AGBL4: variants seen among roughly 807,000 people sequenced by gnomAD.
The protein encoded by AGBL4 is cytosolic carboxypeptidase 6.
A neutral mutation model predicts 66.4 loss-of-function variants in AGBL4; 58 were observed. The ratio of observed to expected loss-of-function variants is 0.87; its 90% CI spans 0.71 to 1.09. The LOEUF (loss-of-function observed/expected upper bound fraction) is 1.09. AGBL4 is among the 50% of genes least tolerant of loss of function. AGBL4 has a pLI of 0.00. For synonymous variants in AGBL4, 234 were observed against 222.9 expected (o/e 1.05, Z -0.44); for missense variants, 579 against 631.0 (o/e 0.92, Z 0.88).
intron 2 of AGBL4, among the ~76,000 whole-genome samples, chr1:49,723,228 C>T (rs1169989136): frequency 1.3e-5 from 2 of 152,082 alleles, no homozygotes; most frequent in African/African-American, 4.8e-5. Context: ...GTTAGCCAGG[C>T]CGTAGTCCTT....
At chr1:49,460,501 G>A (rs1182201151) in intron 3 of AGBL4, among the ~76,000 whole-genome samples, 2 of 151,502 alleles carry the variant, frequency 1.3e-5, no homozygotes, top group African/African-American at 2.4e-5. Flanking sequence ...GGTGAGTCTC[G>A]TGAAGATAGT....
rs143507699 is a variant in AGBL4 at position 49,134,802 on chromosome 1, G to T, written c.378-89002C>A. Among the ~76,000 whole-genome samples the T allele has an allele frequency of 4.6e-3, 693 of 152,146 alleles. 7 individuals carry two copies. Among genetic ancestry groups the T allele is most frequent in the African/African-American group, 0.016 (672 of 41,514 alleles). On this transcript the variant is annotated intron_variant, in intron 4 of 13. Transcript: ENST00000371839. The stretch of plus-strand genomic sequence containing the variant: ...CATCCTCAGCTTACAAAGATGATGG[G>T]ATTAAGAGATTAAAGTAAAGACAGT...
intron 11 of AGBL4, among the ~76,000 whole-genome samples, chr1:48,560,877 T>C (rs1043974589): frequency 3.3e-5 from 5 of 152,220 alleles, no homozygotes; most frequent in African/African-American, 1.2e-4. Flanking sequence ...AAGAGAGGTG[T>C]TGTAACAACT....
chr1:49,298,133 AC>A (rs2148438674), intron 3 of AGBL4, among the ~76,000 whole-genome samples: 1 of 152,242 alleles, frequency 6.6e-6, no homozygotes, highest in African/African-American at 2.4e-5. Flanking sequence ...CATCTCTACT[AC>A]TTCCTTGCCC....
chr1:49,767,414 A>G (rs1643916408), intron 2 of AGBL4, among the ~76,000 whole-genome samples: 1 of 152,116 alleles, frequency 6.6e-6, no homozygotes, highest in Non-Finnish European at 1.5e-5. Context: ...AAATAGATGA[A>G]AAGAGAGAAA....
At chr1:49,735,701 A>T (rs2124728663) in intron 2 of AGBL4, among the ~76,000 whole-genome samples, 1 of 152,250 alleles carries the variant, frequency 6.6e-6, no homozygotes, top group Admixed American at 6.5e-5. Context: ...GGAGACTATC[A>T]TTGTGATACT....
intron 2 of AGBL4, among the ~76,000 whole-genome samples, chr1:49,844,013 A>G (rs533009959): frequency 1.3e-5 from 2 of 152,296 alleles, no homozygotes; most frequent in Admixed American, 1.3e-4. Flanking sequence ...GTGGTGAGCA[A>G]GGTGGACAGA....
chr1:49,914,972 C>G (rs1335384685), intron 1 of AGBL4, among the ~76,000 whole-genome samples: 1 of 152,142 alleles, frequency 6.6e-6, no homozygotes, highest in African/African-American at 2.4e-5. Flanking sequence ...TCTTAAAGGT[C>G]TCACCTCTCA....
At position 49,466,009 on chromosome 1, in the gene AGBL4, C is replaced by T. The variant is rs144200822; in HGVS notation, c.283-220145G>A. 5.2e-3 allele frequency among the ~76,000 whole-genome samples: 790 copies of T among 151,872 alleles called. 9 individuals are homozygous for T. The highest frequency in any genetic ancestry group is 0.017 in the Middle Eastern group (5 of 292). The stretch of plus-strand genomic sequence containing the variant: ...ATTGCTTCAGAACTATATACCTGGG[C>T]GTGGCAAGGCCCATGGTAGAGTAGC... On this transcript the variant is annotated intron_variant, in intron 3 of 13. Coordinates refer to ENST00000371839, the MANE Select transcript of AGBL4 (RefSeq NM_032785.4).
intron 3 of AGBL4, among the ~76,000 whole-genome samples, chr1:49,434,426 CA>C (rs2148660464): frequency 6.6e-6 from 1 of 152,054 alleles, no homozygotes; most frequent in African/African-American, 2.4e-5. Flanking sequence ...TGTTCTGGGA[CA>C]AAAAAGCCAC....
intron 5 of AGBL4, among the ~76,000 whole-genome samples, chr1:48,940,126 T>C (rs576027138): frequency 6.6e-6 from 1 of 152,306 alleles, no homozygotes; most frequent in Non-Finnish European, 1.5e-5. Flanking sequence ...GCTAACCCCA[T>C]TTAAGAGTTG....
chr1:48,893,970 G>C (rs1398302279), intron 5 of AGBL4, among the ~76,000 whole-genome samples: 3 of 152,154 alleles, frequency 2.0e-5, no homozygotes, highest in Admixed American at 2.0e-4. Context: ...GGAAACCAAG[G>C]AGCAAGAGGA....
intron 9 of AGBL4, among the ~76,000 whole-genome samples, chr1:48,631,862 A>G (rs1645598911): frequency 6.6e-6 from 1 of 152,182 alleles, no homozygotes; most frequent in South Asian, 2.1e-4. Context: ...AGTAGGTATA[A>G]ACCAGGAAAG....
chr1:48,827,503 C>T (rs1183203938), intron 6 of AGBL4, among the ~76,000 whole-genome samples: 2 of 152,212 alleles, frequency 1.3e-5, no homozygotes, highest in Non-Finnish European at 2.9e-5. Context: ...TGTCTTCACA[C>T]TGTTGGCCAC....
intron 11 of AGBL4, among the ~76,000 whole-genome samples, chr1:48,577,556 C>T (rs924395150): frequency 1.3e-5 from 2 of 152,174 alleles, no homozygotes; most frequent in Admixed American, 6.5e-5. Context: ...ATGAGGGAGG[C>T]TAGGGGAAGG....
chr1:49,530,296 T>C (rs970515390), intron 3 of AGBL4, among the ~76,000 whole-genome samples: 16 of 61,402 alleles, frequency 2.6e-4, no homozygotes, highest in Admixed American at 1.5e-3. Context: ...TATGAGTTTT[T>C]TTTTATTATT....
At chr1:49,903,426 A>T (rs1171315262) in intron 1 of AGBL4, among the ~76,000 whole-genome samples, 1 of 152,152 alleles carries the variant, frequency 6.6e-6, no homozygotes, top group Non-Finnish European at 1.5e-5. Context: ...CTAGGTGATG[A>T]AATAATCTGT....
At chr1:49,893,822 C>G (rs565640569) in intron 1 of AGBL4, among the ~76,000 whole-genome samples, 1 of 152,308 alleles carries the variant, frequency 6.6e-6, no homozygotes, top group South Asian at 2.1e-4. Context: ...AGAACACAAG[C>G]TGGGCTGGTT....
chr1:48,912,676 C>G (rs962522963), intron 5 of AGBL4, among the ~76,000 whole-genome samples: 1 of 152,198 alleles, frequency 6.6e-6, no homozygotes, highest in African/African-American at 2.4e-5. Flanking sequence ...TGTCCAGCCA[C>G]TGGGCTCTCT....
Sources: gnomAD v4.1 joint callset for allele counts (sites outside exome capture counted in the v4.1 genomes callset) on GRCh38, gnomAD v4.1.1 for gene constraint, MANE v1.5 for transcripts, NCBI Gene and HGNC (gene_info 2026-07-23, HGNC 2026-07-21) for gene names.